SV2C: variants seen among roughly 807,000 people sequenced by gnomAD.
SV2C encodes synaptic vesicle glycoprotein 2C.
In SV2C, 49 loss-of-function variants were observed where a neutral mutation model predicts 79.7. The observed-to-expected ratio is 0.61, with a 90% CI of 0.49 to 0.78. The LOEUF (loss-of-function observed/expected upper bound fraction) is 0.78, where lower values mean the gene tolerates loss of function less well. SV2C is among the 30% of genes least tolerant of loss of function. The pLI is 0.00. For missense variants in SV2C, 833 were observed against 912.9 expected (o/e 0.91, Z 1.13); for synonymous variants, 334 against 333.2 (o/e 1.00, Z -0.03).
the SV2C span, among the ~76,000 whole-genome samples, chr5:75,877,941 A>G: frequency 8.9e-6 from 1 of 112,854 alleles, no homozygotes; most frequent in Non-Finnish European, 1.6e-5. Flanking sequence ...GGAGTGATAG[A>G]AAAAAAAAAA....
the SV2C span, among the ~76,000 whole-genome samples, chr5:76,000,161 C>T: frequency 2.6e-5 from 4 of 152,168 alleles, no homozygotes; most frequent in Non-Finnish European, 5.9e-5. Context: ...CTCACAGACA[C>T]ACCCAGAAAT....
chr5:76,251,846 C>T (rs189036382), intron 4 of SV2C, among the ~76,000 whole-genome samples: 33 of 152,286 alleles, frequency 2.2e-4, no homozygotes, highest in Non-Finnish European at 3.8e-4. Flanking sequence ...TACATGACCA[C>T]TTAATCATTA....
At chr5:76,027,814 A>G in the SV2C span, among the ~76,000 whole-genome samples, 1 of 151,958 alleles carries the variant, frequency 6.6e-6, no homozygotes, top group South Asian at 2.1e-4. Flanking sequence ...CTGAGTCAAC[A>G]CCCTCTGCAT....
At chr5:75,913,156 C>T in the SV2C span, among the ~76,000 whole-genome samples, 5,045 of 152,232 alleles carry the variant, frequency 0.033, 203 homozygotes, top group African/African-American at 0.1. Flanking sequence ...TGATAGTGCT[C>T]TCCAAATGAT....
the SV2C span, among the ~76,000 whole-genome samples, chr5:76,062,303 T>C: frequency 8.5e-3 from 1,297 of 152,222 alleles, 9 homozygotes; most frequent in Non-Finnish European, 0.015. Context: ...CCCTTGTGAA[T>C]GGGATTAGGT....
At chr5:75,891,792 A>G in the SV2C span, among the ~76,000 whole-genome samples, 1,012 of 152,230 alleles carry the variant, frequency 6.6e-3, 3 homozygotes, top group African/African-American at 9.8e-3. Context: ...GCCACTGACT[A>G]GCATAATTGA....
chr5:76,212,029 C>A (rs568857595), intron 4 of SV2C, among the ~76,000 whole-genome samples: 1 of 152,238 alleles, frequency 6.6e-6, no homozygotes, highest in South Asian at 2.1e-4. Context: ...GCCAGAGATG[C>A]CCTCATACAG....
At chr5:76,284,380 C>A (rs557657878) in intron 4 of SV2C, among the ~76,000 whole-genome samples, 1 of 152,154 alleles carries the variant, frequency 6.6e-6, no homozygotes, top group East Asian at 1.9e-4. Flanking sequence ...ATGCAGCAAC[C>A]GCCAATTCCT....
chr5:76,259,597 C>T (rs557354282), intron 4 of SV2C, among the ~76,000 whole-genome samples: 114 of 152,160 alleles, frequency 7.5e-4, no homozygotes, highest in African/African-American at 2.5e-3. Flanking sequence ...TCTCCCTCCC[C>T]TCACTCCCCA....
chr5:75,916,755 A>G, the SV2C span, among the ~76,000 whole-genome samples: 1 of 152,144 alleles, frequency 6.6e-6, no homozygotes, highest in Non-Finnish European at 1.5e-5. Context: ...GACTGCAGAC[A>G]TGAGCTACCA....
the SV2C span, chr5:75,911,969 C>A: frequency 2.9e-6 from 1 of 339,130 alleles, no homozygotes. Context: ...AGCAACCATC[C>A]CTGGGTTCTC....
At chr5:75,848,221 G>A in the SV2C span, among the ~76,000 whole-genome samples, 149 of 152,284 alleles carry the variant, frequency 9.8e-4, no homozygotes, top group Middle Eastern at 3.4e-3. Context: ...GAATCCAGAG[G>A]ACTGGCAGCA....
chr5:75,876,344 C>G, the SV2C span, among the ~76,000 whole-genome samples: 2 of 152,076 alleles, frequency 1.3e-5, no homozygotes, highest in African/African-American at 4.8e-5. Context: ...TGCATGTTCT[C>G]TCTTGCAGGT....
chr5:76,087,377 C>T (rs1747233562), intron 1 of SV2C, among the ~76,000 whole-genome samples: 2 of 152,172 alleles, frequency 1.3e-5, no homozygotes, highest in South Asian at 4.1e-4. Flanking sequence ...TAGGGATGGG[C>T]TTCAGTCTTC....
chr5:76,016,254 T>TAAAAAAAAAAAAAAAAAA, the SV2C span, among the ~76,000 whole-genome samples: 161 of 90,322 alleles, frequency 1.8e-3, 15 homozygotes, highest in African/African-American at 5.7e-3. Context: ...TTTAATTTTC[T>TAAAAAAAAAAAAAAAAAA]AAAAAAAAAA....
intron 12 of SV2C, among the ~76,000 whole-genome samples, chr5:76,340,986 A>G (rs1039587842): frequency 7.0e-6 from 1 of 142,636 alleles, no homozygotes; most frequent in Non-Finnish European, 1.5e-5. Context: ...GCTGGAGTGC[A>G]CTAGTGCAAT....
intron 1 of SV2C, among the ~76,000 whole-genome samples, chr5:76,100,377 A>G (rs962964461): frequency 7.9e-5 from 12 of 152,296 alleles, no homozygotes; most frequent in Admixed American, 7.8e-4. Context: ...TTCCTATGGG[A>G]TCATAAAAGG....
the SV2C span, among the ~76,000 whole-genome samples, chr5:75,935,958 G>A: frequency 6.6e-6 from 1 of 152,130 alleles, no homozygotes; most frequent in Non-Finnish European, 1.5e-5. Context: ...ATTTTTGATA[G>A]ATTAAATTAT....
intron 1 of SV2C, among the ~76,000 whole-genome samples, chr5:76,102,367 G>T (rs535186762): frequency 3.9e-5 from 6 of 152,138 alleles, no homozygotes; most frequent in African/African-American, 9.6e-5. Context: ...CTCAACTAAA[G>T]ATGATTTCCT....
Sources: allele counts gnomAD v4.1 joint callset (sites outside exome capture counted in the v4.1 genomes callset), GRCh38; gene constraint gnomAD v4.1.1; transcripts MANE v1.5; gene names NCBI Gene and HGNC (gene_info 2026-07-23, HGNC 2026-07-21).